Variants in ZMYM2 observed in about 807,000 individuals in gnomAD.
The protein encoded by ZMYM2 is zinc finger MYM-type containing 2.
In ZMYM2, 56 loss-of-function variants were observed where a neutral mutation model predicts 162.8. The observed-to-expected ratio is 0.34, with a 90% CI of 0.28 to 0.43. The LOEUF is 0.43. Among genes scored for constraint, ZMYM2 ranks in the 20% least tolerant of loss-of-function variants. The pLI is 1.00. For missense variants in ZMYM2, 1,275 were observed against 1,621.8 expected, an observed-to-expected ratio of 0.79 and a Z score of 3.67; for synonymous variants, 510 against 541.6, an observed-to-expected ratio of 0.94 and a Z score of 0.81.
At chr13:19,997,301 T>C (rs1760977034) in intron 3 of ZMYM2, among the ~76,000 whole-genome samples, 1 of 152,206 alleles carries the variant, frequency 6.6e-6, no homozygotes, top group Non-Finnish European at 1.5e-5. Context: ...TGATGAAATA[T>C]TTGTTCACAT....
intron 2 of ZMYM2, among the ~76,000 whole-genome samples, chr13:19,971,383 A>G (rs918122374): frequency 4.7e-5 from 7 of 147,656 alleles, no homozygotes; most frequent in African/African-American, 7.5e-5. Flanking sequence ...CTAATCTCCT[A>G]TCTCAGCCTC....
chr13:20,045,049 C>CA (rs933854935), intron 12 of ZMYM2, among the ~76,000 whole-genome samples: 3,062 of 46,430 alleles, frequency 0.066, 167 homozygotes, highest in East Asian at 0.18. Flanking sequence ...GACTCTGTGT[C>CA]AAAAAAAAAA....
the ZMYM2 span, among the ~76,000 whole-genome samples, chr13:19,867,527 A>G: frequency 6.6e-6 from 1 of 152,214 alleles, no homozygotes; most frequent in East Asian, 1.9e-4. Context: ...AGCAATAAAT[A>G]ATGAAAATTT....
the ZMYM2 span, among the ~76,000 whole-genome samples, chr13:19,930,131 T>A: frequency 6.6e-6 from 1 of 152,146 alleles, no homozygotes; most frequent in Non-Finnish European, 1.5e-5. Context: ...TCAGGCACGG[T>A]GGCTCACGCC....
At chr13:20,069,699 A>G (rs1050354715) in intron 21 of ZMYM2, among the ~76,000 whole-genome samples, 3 of 151,962 alleles carry the variant, frequency 2.0e-5, no homozygotes, top group African/African-American at 7.2e-5. Context: ...CTTTTTATAT[A>G]TTGCCAGATT....
chr13:20,005,131 C>T lies in ZMYM2; in HGVS notation c.1191C>T (p.Phe397=). 1.9e-6 allele frequency: 3 copies of T among 1,605,970 alleles called. No individual in the cohort carries two copies. Among genetic ancestry groups the T allele is most frequent in the Non-Finnish European group, 2.5e-6 (3 of 1,177,342 alleles). The part of the protein sequence containing the change: ...IVAQVDSSES[F]QEFCSTSCLS... ...CTCAAGTGGATTCAAGTGAGTCCTT[C>T]CAGGAATTCTGTAGTACATCTTGTT... Residue 397 remains phenylalanine, a synonymous_variant, in exon 5 of 25, where the codon TTC becomes TTT. Transcript: ENST00000610343.
the ZMYM2 span, among the ~76,000 whole-genome samples, chr13:19,875,662 T>C: frequency 3.3e-5 from 5 of 151,256 alleles, no homozygotes; most frequent in Non-Finnish European, 5.9e-5. Flanking sequence ...ATTATGTTAT[T>C]GTTTCCTTTG....
At chr13:20,025,204 C>T (rs981868757) in intron 7 of ZMYM2, 3 of 200,646 alleles carry the variant, frequency 1.5e-5, no homozygotes, top group African/African-American at 6.9e-5. Context: ...TCGAAGCCTT[C>T]TTATATTTTC....
At chr13:19,933,324 C>G in the ZMYM2 span, among the ~76,000 whole-genome samples, 1 of 152,064 alleles carries the variant, frequency 6.6e-6, no homozygotes, top group East Asian at 1.9e-4. Flanking sequence ...GTTATTTCTC[C>G]TTATAGTACT....
intron 3 of ZMYM2, among the ~76,000 whole-genome samples, chr13:19,997,955 A>G (rs1049092971): frequency 6.6e-6 from 1 of 152,152 alleles, no homozygotes; most frequent in African/African-American, 2.4e-5. Flanking sequence ...ATTCTTGTGT[A>G]TACATCTTGG....
the ZMYM2 span, among the ~76,000 whole-genome samples, chr13:19,932,810 A>T: frequency 6.6e-6 from 1 of 152,248 alleles, no homozygotes; most frequent in Middle Eastern, 3.4e-3. Flanking sequence ...TATCCTCTGG[A>T]ACTGTAAGAA....
the ZMYM2 span, among the ~76,000 whole-genome samples, chr13:19,946,399 A>C: frequency 2.2e-4 from 33 of 152,142 alleles, no homozygotes; most frequent in African/African-American, 7.0e-4. Flanking sequence ...TCTTAGGAGA[A>C]GTTTAATTCT....
intron 2 of ZMYM2, among the ~76,000 whole-genome samples, chr13:19,987,242 T>A (rs1369547847): frequency 6.6e-6 from 1 of 150,770 alleles, no homozygotes; most frequent in African/African-American, 2.4e-5. Context: ...TAAATATTAA[T>A]AATGTAAATA....
At chr13:19,918,807 C>T in the ZMYM2 span, among the ~76,000 whole-genome samples, 1 of 152,102 alleles carries the variant, frequency 6.6e-6, no homozygotes, top group African/African-American at 2.4e-5. Context: ...CCAAAAACCT[C>T]TTATTTTCAA....
chr13:19,925,622 C>T, the ZMYM2 span, among the ~76,000 whole-genome samples: 5 of 151,926 alleles, frequency 3.3e-5, no homozygotes, highest in African/African-American at 1.2e-4. Flanking sequence ...CCTGTAATCC[C>T]AGCACTTTAG....
intron 6 of ZMYM2, among the ~76,000 whole-genome samples, chr13:20,010,321 G>A (rs889519002): frequency 1.3e-5 from 2 of 151,870 alleles, no homozygotes; most frequent in Admixed American, 1.3e-4. Context: ...TCAGCCTCCC[G>A]AGTAGCTGGG....
intron 2 of ZMYM2, 103 bp from the exon 3 acceptor site, chr13:19,992,960 G>T: frequency 7.9e-7 from 1 of 1,262,704 alleles, no homozygotes. Flanking sequence ...ACTTCATTTA[G>T]AATAAAAATA....
chr13:19,881,116 T>C, the ZMYM2 span, among the ~76,000 whole-genome samples: 1 of 151,958 alleles, frequency 6.6e-6, no homozygotes, highest in Non-Finnish European at 1.5e-5. Context: ...CTCGAACTCC[T>C]GACCTCGTGA....
the ZMYM2 span, among the ~76,000 whole-genome samples, chr13:19,886,314 A>C: frequency 6.6e-6 from 1 of 150,920 alleles, no homozygotes; most frequent in Non-Finnish European, 1.5e-5. Flanking sequence ...ACAGGCGTAC[A>C]CCACCACACC....
Sources: gnomAD v4.1 joint callset for allele counts (sites outside exome capture counted in the v4.1 genomes callset) on GRCh38, gnomAD v4.1.1 for gene constraint, MANE v1.5 for transcripts, NCBI Gene and HGNC (gene_info 2026-07-23, HGNC 2026-07-21) for gene names.